Variants in EPB41L3 observed in about 807,000 individuals in gnomAD.
EPB41L3 encodes the protein band 4.1-like protein 3.
Under a neutral mutation model 127.1 loss-of-function variants are expected in EPB41L3, and 57 were observed. That is an observed-to-expected ratio of 0.45 (90% CI 0.36 to 0.56). The LOEUF (loss-of-function observed/expected upper bound fraction) is 0.56, where lower values mean the gene tolerates loss of function less well. Among genes scored for constraint, EPB41L3 ranks in the 20% least tolerant of loss-of-function variants. EPB41L3 has a pLI of 0.00. For synonymous variants in EPB41L3, 572 were observed against 549.5 expected (o/e 1.04, Z -0.57); for missense variants, 1,273 against 1,372.2 (o/e 0.93, Z 1.14).
intron 3 of EPB41L3, among the ~76,000 whole-genome samples, chr18:5,454,321 T>C (rs1423079841): frequency 6.6e-6 from 1 of 151,668 alleles, no homozygotes; most frequent in East Asian, 1.9e-4. Flanking sequence ...CATAAAGCCT[T>C]AGAAAGGGCT....
chr18:5,396,928 G>A (rs1304163505), intron 18 of EPB41L3, 130 bp downstream of exon 18: 10 of 973,444 alleles, frequency 1.0e-5, no homozygotes, highest in Non-Finnish European at 1.5e-5. Flanking sequence ...AAGGAAATGA[G>A]AGGAGAAATA....
intron 16 of EPB41L3, among the ~76,000 whole-genome samples, chr18:5,405,836 T>C (rs984161723): frequency 7.0e-6 from 1 of 141,888 alleles, no homozygotes; most frequent in Admixed American, 7.0e-5. Context: ...AAAAAAAAAA[T>C]CTCTTTAAAT....
At chr18:5,523,938 C>CTA (rs1332730432) in intron 1 of EPB41L3, among the ~76,000 whole-genome samples, 4 of 151,754 alleles carry the variant, frequency 2.6e-5, no homozygotes, top group Non-Finnish European at 2.9e-5. Flanking sequence ...ATTTAAATGA[C>CTA]TATATATATA....
chr18:5,435,051 A>G (rs2079559621), intron 6 of EPB41L3, among the ~76,000 whole-genome samples: 1 of 152,230 alleles, frequency 6.6e-6, no homozygotes, highest in African/African-American at 2.4e-5. Context: ...GTTTTTAACA[A>G]AAGAGTTTTA....
Position 5,557,509 on chromosome 18 carries a change from C to T in EPB41L3, c.-306+54831G>A, listed in dbSNP as rs531311546. On this transcript the variant is annotated intron_variant, in intron 3 of 21. Coordinates refer to the EPB41L3 transcript ENST00000545076. ...AAGCAATTCTCCCACCTCAGCCTCC[C>T]GAGTAGCTGGAATTACAGGCGTGTG... 3.9e-5 allele frequency among the ~76,000 whole-genome samples: 6 copies of T among 152,236 alleles called. No individual in the cohort carries two copies. The East Asian group carries it at 1.2e-3, about 29-fold the overall frequency.
At chr18:5,491,432 G>C (rs2090582884) in intron 1 of EPB41L3, among the ~76,000 whole-genome samples, 1 of 152,198 alleles carries the variant, frequency 6.6e-6, no homozygotes. Context: ...AGCCTAGTCG[G>C]GAAACCGTTT....
At chr18:5,447,927 GA>G (rs1406245509) in intron 3 of EPB41L3, among the ~76,000 whole-genome samples, 2 of 152,080 alleles carry the variant, frequency 1.3e-5, no homozygotes, top group African/African-American at 4.8e-5. Flanking sequence ...CCACACTGAA[GA>G]TTTTTTTTTT....
rs201073130 is a variant in EPB41L3 at position 5,538,276 on chromosome 18, TCAC to T, written c.-12+5634_-12+5636del. Among the ~76,000 whole-genome samples the T allele has an allele frequency of 1.0e-2, 1,521 of 152,298 alleles. 25 individuals are homozygous for T. The highest frequency in any genetic ancestry group is 0.034 in the African/African-American group (1,421 of 41,566). ...CTTTTCCACACAATATCAACTTGGG[TCAC>T]CACGAGCACTAGAAATGTATCACTT... On this transcript the variant is annotated intron_variant, in intron 1 of 22. Coordinates refer to ENST00000341928, the MANE Select transcript of EPB41L3 (RefSeq NM_012307.5).
At chr18:5,428,688 T>C (rs570942963) in intron 8 of EPB41L3, among the ~76,000 whole-genome samples, 1 of 152,276 alleles carries the variant, frequency 6.6e-6, no homozygotes, top group Non-Finnish European at 1.5e-5. Context: ...CTCCCAGGTG[T>C]CTCAGACTTA....
Position 5,536,577 on chromosome 18 carries a change from A to G in EPB41L3, c.-12+7336T>C, listed in dbSNP as rs540954450. Among the ~76,000 whole-genome samples the G allele has an allele frequency of 4.0e-5, 6 of 151,590 alleles. No homozygotes were observed. In the East Asian group the frequency reaches 9.8e-4, roughly 25 times the overall value. On this transcript the variant is annotated intron_variant, in intron 1 of 22. Transcript: ENST00000341928. The stretch of plus-strand genomic sequence containing the variant: ...AGCACTTTGGGAGGCCAAGGCGGGC[A>G]GATCATTTGAGGTCAGGATCATTCG...
At chr18:5,438,208 GC>G in intron 5 of EPB41L3, 98 bp from the exon 6 acceptor site, 1 of 1,083,264 alleles carries the variant, frequency 9.2e-7, no homozygotes, top group South Asian at 1.5e-5. Flanking sequence ...TAACACCCAG[GC>G]AACTTTTGAC....
chr18:5,574,059 C>T (rs780554919), intron 3 of EPB41L3, among the ~76,000 whole-genome samples: 2 of 152,088 alleles, frequency 1.3e-5, no homozygotes, highest in African/African-American at 2.4e-5. Context: ...TACAGGCACG[C>T]ACCACCTTTT....
In EPB41L3 at chr18:5,603,878, T is replaced by G. The variant is rs1022157467; in HGVS notation, c.-306+8462A>C. On this transcript the variant is annotated intron_variant, in intron 3 of 21. Coordinates refer to the EPB41L3 transcript ENST00000545076. ...GAGGCCTTGTCTCAAAATTAAAATT[T>G]AAAAAAAAAGTTGAATGAGATATTA... is the stretch of plus-strand genomic sequence containing the variant. Among the ~76,000 whole-genome samples, 5 of 151,296 alleles carry G rather than the reference T, an allele frequency of 3.3e-5. No homozygotes were observed. The East Asian group carries it at 7.7e-4, about 23-fold the overall frequency.
chr18:5,512,008 T>C (rs780871864), intron 1 of EPB41L3, among the ~76,000 whole-genome samples: 6 of 152,256 alleles, frequency 3.9e-5, no homozygotes, highest in Admixed American at 6.5e-5. Flanking sequence ...ATTAGAATTT[T>C]CTTTCTGGTC....
At chr18:5,437,614 T>C (rs1038723822) in intron 6 of EPB41L3, among the ~76,000 whole-genome samples, 4 of 152,216 alleles carry the variant, frequency 2.6e-5, no homozygotes, top group Non-Finnish European at 4.4e-5. Flanking sequence ...ATACAGGACA[T>C]AGAAATTAAA....
chr18:5,557,389 GTTTTTGT>G (rs1475179012), intron 3 of EPB41L3, among the ~76,000 whole-genome samples: 1 of 151,942 alleles, frequency 6.6e-6, no homozygotes, highest in Non-Finnish European at 1.5e-5. Flanking sequence ...TTTTTGTTTT[GTTTTTGT>G]TTTTTGAGAC....
At chr18:5,628,396 G>T (rs905299592) in intron 1 of EPB41L3, among the ~76,000 whole-genome samples, 1 of 152,208 alleles carries the variant, frequency 6.6e-6, no homozygotes, top group Non-Finnish European at 1.5e-5. Context: ...GGGGGCGGGG[G>T]TCTGTAACTA....
chr18:5,443,272 T>C (rs1037702178), intron 5 of EPB41L3, among the ~76,000 whole-genome samples: 2 of 152,234 alleles, frequency 1.3e-5, no homozygotes, highest in African/African-American at 4.8e-5. Flanking sequence ...TTAATCTGAA[T>C]AGGTGAAAAA....
chr18:5,455,885 G>A (rs1009611873), intron 3 of EPB41L3, among the ~76,000 whole-genome samples: 1 of 151,394 alleles, frequency 6.6e-6, no homozygotes, highest in African/African-American at 2.4e-5. Context: ...AATGAACGCA[G>A]AAAAGGAAGT....
Sources: gnomAD v4.1 joint callset for allele counts (sites outside exome capture counted in the v4.1 genomes callset) on GRCh38, gnomAD v4.1.1 for gene constraint, MANE v1.5 for transcripts, NCBI Gene and HGNC (gene_info 2026-07-23, HGNC 2026-07-21) for gene names.